Variants in PATJ observed in about 807,000 individuals in gnomAD.
PATJ encodes the protein PATJ crumbs cell polarity complex component, also known as inaD-like protein.
Under a neutral mutation model 224.9 loss-of-function variants are expected in PATJ, and 190 were observed. The observed-to-expected ratio is 0.84, with a 90% CI of 0.75 to 0.95. The LOEUF is 0.95. PATJ is among the 40% of genes least tolerant of loss of function. PATJ has a pLI of 0.00. For missense variants in PATJ, 2,121 were observed against 2,270.3 expected, an observed-to-expected ratio of 0.93 and a Z score of 1.34; for synonymous variants, 769 against 820.3, an observed-to-expected ratio of 0.94 and a Z score of 1.07.
At chr1:62,157,140 A>G (rs566416896) in intron 43 of PATJ, among the ~76,000 whole-genome samples, 217 of 151,942 alleles carry the variant, frequency 1.4e-3, no homozygotes, top group Middle Eastern at 0.01. Context: ...CCTGGCCAAC[A>G]TGGTGAAACC....
chr1:62,105,406 G>A (rs1050975991), intron 33 of PATJ, among the ~76,000 whole-genome samples: 5 of 152,136 alleles, frequency 3.3e-5, no homozygotes, highest in African/African-American at 7.2e-5. Context: ...GGGTATTTGG[G>A]GACCAAACTT....
chr1:61,860,441 A>G (rs780591994), intron 18 of PATJ, among the ~76,000 whole-genome samples: 33 of 152,184 alleles, frequency 2.2e-4, no homozygotes, highest in Non-Finnish European at 5.9e-5. Context: ...CCAGACAGCT[A>G]TGGGTTTTTG....
At chr1:61,935,307 G>A (rs1676675932) in intron 27 of PATJ, among the ~76,000 whole-genome samples, 1 of 152,144 alleles carries the variant, frequency 6.6e-6, no homozygotes, top group Non-Finnish European at 1.5e-5. Context: ...ACCCCACACT[G>A]TAGGAATCCT....
In PATJ at chr1:61,961,790, G is replaced by A. The variant is rs183376370; in HGVS notation, c.3671-28378G>A. Among the ~76,000 whole-genome samples the A allele has an allele frequency of 3.7e-3, 568 of 151,952 alleles. 3 individuals carry two copies. The highest frequency in any genetic ancestry group is 0.034 in the Middle Eastern group (10 of 292). ...TTGAGACCAGCCTGACCAACATGGCGAAACCCCGTCTCTACTAAAAATACA... is the reference window on the plus strand; with the variant it reads ...TTGAGACCAGCCTGACCAACATGGCAAAACCCCGTCTCTACTAAAAATACA... On this transcript the variant is annotated intron_variant, in intron 27 of 43. Coordinates refer to ENST00000642238, the MANE Select transcript of PATJ (RefSeq NM_001350145.3).
intron 31 of PATJ, among the ~76,000 whole-genome samples, chr1:62,073,559 G>T (rs1239402723): frequency 6.6e-6 from 1 of 152,150 alleles, no homozygotes; most frequent in African/African-American, 2.4e-5. Context: ...CTTGAACCTG[G>T]GAGGCAGAGG....
At chr1:61,953,350 T>C (rs560923063) in intron 27 of PATJ, among the ~76,000 whole-genome samples, 131 of 152,340 alleles carry the variant, frequency 8.6e-4, no homozygotes, top group Non-Finnish European at 1.5e-3. Flanking sequence ...AATTAGGTTA[T>C]TTCTACTGCA....
At chr1:61,903,585 A>T (rs1365122151) in intron 24 of PATJ, among the ~76,000 whole-genome samples, 2 of 151,784 alleles carry the variant, frequency 1.3e-5, no homozygotes, top group Non-Finnish European at 2.9e-5. Context: ...GTGATTATGG[A>T]TTTGTTTGCT....
rs943030412 is a variant in PATJ at position 61,914,682 on chromosome 1, A to G, written c.3570+18A>G. On this transcript the variant is annotated intron_variant, in intron 26 of 43. Coordinates refer to ENST00000642238, the MANE Select transcript of PATJ (RefSeq NM_001350145.3). ...AAGAAAAGGTAACTTGAACCTCTCA[A>G]GGATTTAAAAAATGTTTTTGTTTTG... 6 of 1,449,466 alleles carry G rather than the reference A, an allele frequency of 4.1e-6. No individual in the cohort carries two copies. The African/African-American group carries it at 5.7e-5, about 14-fold the overall frequency. 89.8% of individuals were successfully genotyped at this position (1,449,466 alleles called of 1,614,324 possible). A position where few individuals can be genotyped will look rare whatever the true frequency, so the allele number is the denominator to read the frequency against.
At chr1:61,896,274 C>T (rs146427927) in intron 22 of PATJ, among the ~76,000 whole-genome samples, 380 of 142,266 alleles carry the variant, frequency 2.7e-3, no homozygotes, top group African/African-American at 8.7e-3. Flanking sequence ...CCATCCTGGG[C>T]GACAGAGGGA....
chr1:62,028,637 G>A (rs1648523851), intron 29 of PATJ, among the ~76,000 whole-genome samples: 1 of 152,014 alleles, frequency 6.6e-6, no homozygotes, highest in South Asian at 2.1e-4. Context: ...AAGAAAATTA[G>A]CCCAGTGTGG....
In PATJ at chr1:61,867,693, T is replaced by C. The variant is rs190647411; in HGVS notation, c.2835+3060T>C. 5.0e-3 allele frequency among the ~76,000 whole-genome samples: 758 copies of C among 152,208 alleles called. 11 individuals carry two copies. The highest frequency in any genetic ancestry group is 0.017 in the African/African-American group (726 of 41,522). ...CGAATGTTTCTTGCCTAAACAGTAT[T>C]TTATTTTCTTTAAGTAATTATATGT... On this transcript the variant is annotated intron_variant, in intron 20 of 43. Transcript: ENST00000642238.
chr1:62,148,083 T>A (rs894383419), intron 41 of PATJ, among the ~76,000 whole-genome samples: 4 of 127,380 alleles, frequency 3.1e-5, no homozygotes, highest in African/African-American at 1.2e-4. Flanking sequence ...ATCATGTCAC[T>A]GCACTCCAAC....
intron 1 of PATJ, among the ~76,000 whole-genome samples, chr1:61,745,077 G>A (rs1644955802): frequency 6.6e-6 from 1 of 152,004 alleles, no homozygotes; most frequent in Non-Finnish European, 1.5e-5. Flanking sequence ...CCATCTTCTT[G>A]GGCTTTTTAT....
chr1:61,830,176 G>A (rs911108393), intron 16 of PATJ, among the ~76,000 whole-genome samples: 2 of 151,988 alleles, frequency 1.3e-5, no homozygotes, highest in African/African-American at 2.4e-5. Flanking sequence ...TTCAGGATAC[G>A]GTATCACTGT....
intron 33 of PATJ, among the ~76,000 whole-genome samples, chr1:62,097,078 C>T (rs1387581552): frequency 6.6e-6 from 1 of 152,138 alleles, no homozygotes; most frequent in East Asian, 1.9e-4. Flanking sequence ...TTATTAGTTC[C>T]ATTTTGCAGA....
At chr1:61,820,822 A>T (rs958290078) in intron 14 of PATJ, among the ~76,000 whole-genome samples, 2 of 152,208 alleles carry the variant, frequency 1.3e-5, no homozygotes, top group African/African-American at 4.8e-5. Flanking sequence ...CATCTGGCTC[A>T]TAAACAAGGA....
intron 28 of PATJ, among the ~76,000 whole-genome samples, chr1:62,008,009 G>A (rs1646196204): frequency 6.6e-6 from 1 of 152,210 alleles, no homozygotes; most frequent in African/African-American, 2.4e-5. Context: ...GGAATCTGAA[G>A]ATCGGGATGC....
intron 41 of PATJ, among the ~76,000 whole-genome samples, chr1:62,147,846 C>G (rs1297092049): frequency 2.0e-5 from 3 of 151,222 alleles, no homozygotes; most frequent in Non-Finnish European, 2.9e-5. Context: ...GCCTGTAATC[C>G]CAGTTACTCA....
chr1:61,826,911 G>A (rs2148749579), intron 15 of PATJ, among the ~76,000 whole-genome samples: 1 of 152,258 alleles, frequency 6.6e-6, no homozygotes, highest in African/African-American at 2.4e-5. Context: ...AATTTTGACA[G>A]CCAAGTATTC....
Sources: gnomAD v4.1 joint callset for allele counts (sites outside exome capture counted in the v4.1 genomes callset) on GRCh38, gnomAD v4.1.1 for gene constraint, MANE v1.5 for transcripts, NCBI Gene and HGNC (gene_info 2026-07-23, HGNC 2026-07-21) for gene names.